The following PIGK variants were observed in gnomAD, a reference collection of about 807,000 sequenced individuals.
The protein encoded by PIGK is GPI-anchor transamidase.
PIGK carries 42 observed loss-of-function variants against 50.6 expected under a neutral mutation model. The observed-to-expected ratio is 0.83, with a 90% CI of 0.65 to 1.07. The LOEUF is 1.07. Among genes scored for constraint, PIGK ranks in the 50% least tolerant of loss-of-function variants. The probability of loss-of-function intolerance (pLI) is 0.00; values close to 1 mark genes in which losing one functional copy is unlikely to be tolerated. For missense variants in PIGK, 448 were observed against 488.7 expected (o/e 0.92, Z 0.78); for synonymous variants, 151 against 156.0 (o/e 0.97, Z 0.24).
chr1:77,156,912 C>T (rs1006247838), intron 8 of PIGK, among the ~76,000 whole-genome samples: 11 of 152,044 alleles, frequency 7.2e-5, no homozygotes, highest in Non-Finnish European at 1.5e-4. Context: ...AGCTCAAAGC[C>T]TTGAGGAAAC....
intron 1 of PIGK, among the ~76,000 whole-genome samples, chr1:77,212,976 G>A (rs967235146): frequency 6.6e-6 from 1 of 152,152 alleles, no homozygotes; most frequent in Non-Finnish European, 1.5e-5. Flanking sequence ...CCAGGCTGGA[G>A]TGCAGTAGCA....
rs1654057318 is a variant in PIGK at position 77,119,922 on chromosome 1, A to G, written c.1071+2353T>C. Among the ~76,000 whole-genome samples, 3 of 152,156 alleles carry G rather than the reference A, an allele frequency of 2.0e-5. No homozygotes were observed. The South Asian group carries it at 6.2e-4, about 32-fold the overall frequency. On this transcript the variant is annotated intron_variant, in intron 10 of 10. Transcript: ENST00000370812. Reference sequence around the variant, plus strand: ...TATCTATCCATTTAGAGATATGTATACATAGTACAAAGCAAGATGCTAAAA... The same window carrying G: ...TATCTATCCATTTAGAGATATGTATGCATAGTACAAAGCAAGATGCTAAAA...
At chr1:77,094,008 T>G (rs1358442623) in intron 10 of PIGK, among the ~76,000 whole-genome samples, 2 of 152,108 alleles carry the variant, frequency 1.3e-5, no homozygotes, top group Non-Finnish European at 2.9e-5. Context: ...AATATAAATA[T>G]CACAAGCACG....
chr1:77,108,532 T>G (rs1326162764), intron 10 of PIGK, among the ~76,000 whole-genome samples: 1 of 142,340 alleles, frequency 7.0e-6, no homozygotes, highest in Non-Finnish European at 1.5e-5. Context: ...ATTTTTTCCT[T>G]CATTTCAACT....
At chr1:77,159,052 G>C (rs1046963510) in intron 8 of PIGK, among the ~76,000 whole-genome samples, 1 of 152,130 alleles carries the variant, frequency 6.6e-6, no homozygotes, top group African/African-American at 2.4e-5. Context: ...AGGCCCTGAG[G>C]CCTGTGGATA....
intron 3 of PIGK, among the ~76,000 whole-genome samples, chr1:77,174,326 C>G (rs577585490): frequency 5.5e-4 from 84 of 152,246 alleles, no homozygotes; most frequent in African/African-American, 1.8e-3. Flanking sequence ...GCTCTAACAG[C>G]CTGGGACTCC....
At chr1:77,186,371 G>A (rs1655742145) in intron 3 of PIGK, among the ~76,000 whole-genome samples, 1 of 152,250 alleles carries the variant, frequency 6.6e-6, no homozygotes, top group Admixed American at 6.5e-5. Context: ...ACTTCGAGCA[G>A]TGCACCTGGT....
In PIGK at chr1:77,219,294, T is replaced by A. The variant is rs759811975; in HGVS notation, c.93+16A>T. On this transcript the variant is annotated intron_variant, in intron 1 of 10. Transcript: ENST00000370812. ...AGCCGGCCTCCCGGCTGTGGTCAAA[T>A]GAGCCTGACTCCTACCTCGATATGA... The A allele has an allele frequency of 6.2e-7, 1 of 1,609,528 alleles. No individual in the cohort carries two copies. Among genetic ancestry groups the A allele is most frequent in the South Asian group, 1.1e-5 (1 of 90,902 alleles).
intron 1 of PIGK, among the ~76,000 whole-genome samples, chr1:77,213,671 A>G (rs891162437): frequency 6.6e-6 from 1 of 152,090 alleles, no homozygotes; most frequent in Admixed American, 6.5e-5. Context: ...CCAAACACAA[A>G]ATAAGAAAAG....
chr1:77,189,727 A>G (rs1294771458), intron 3 of PIGK, among the ~76,000 whole-genome samples: 1 of 75,052 alleles, frequency 1.3e-5, no homozygotes, highest in East Asian at 7.4e-4. Context: ...ATATATATAT[A>G]TATATATATA....
At chr1:77,109,739 T>C (rs1431881515) in intron 10 of PIGK, among the ~76,000 whole-genome samples, 2 of 152,062 alleles carry the variant, frequency 1.3e-5, no homozygotes, top group Non-Finnish European at 2.9e-5. Flanking sequence ...CTATTCAACA[T>C]AGTGTTGGAA....
At chr1:77,217,907 A>C (rs1310174876) in intron 1 of PIGK, among the ~76,000 whole-genome samples, 1 of 152,246 alleles carries the variant, frequency 6.6e-6, no homozygotes, top group Non-Finnish European at 1.5e-5. Flanking sequence ...TAACTACAAA[A>C]AACAGTAATA....
intron 2 of PIGK, among the ~76,000 whole-genome samples, chr1:77,207,841 T>TA (rs940701414): frequency 2.0e-5 from 3 of 151,960 alleles, no homozygotes; most frequent in African/African-American, 7.3e-5. Context: ...GGTTTTTTTT[T>TA]AAATTAAGTT....
intron 9 of PIGK, among the ~76,000 whole-genome samples, chr1:77,137,139 C>T (rs768646029): frequency 1.3e-5 from 2 of 152,174 alleles, no homozygotes; most frequent in Admixed American, 6.5e-5. Context: ...AAACGTCTTG[C>T]ATGCTTTTGG....
intron 7 of PIGK, 41 bp from the exon 8 acceptor site, chr1:77,161,446 T>C (rs1176014787): frequency 8.3e-7 from 1 of 1,201,666 alleles, no homozygotes; most frequent in Non-Finnish European, 1.2e-6. Flanking sequence ...ACAGTATCAT[T>C]ATAACAAAAT....
At chr1:77,109,706 A>T (rs866702442) in intron 10 of PIGK, among the ~76,000 whole-genome samples, 83 of 152,312 alleles carry the variant, frequency 5.4e-4, no homozygotes, top group African/African-American at 1.8e-3. Flanking sequence ...GGCACAAGAC[A>T]GGGATGCCCT....
At chr1:77,198,596 C>T (rs1393484221) in intron 3 of PIGK, among the ~76,000 whole-genome samples, 1 of 151,746 alleles carries the variant, frequency 6.6e-6, no homozygotes, top group Non-Finnish European at 1.5e-5. Context: ...CAACTGCATA[C>T]ACAGCAACAG....
chr1:77,096,890 T>TTG (rs55998222), intron 10 of PIGK, among the ~76,000 whole-genome samples: 4,739 of 148,164 alleles, frequency 0.032, 137 homozygotes, highest in Non-Finnish European at 0.049. Context: ...TCTTTTTTTT[T>TTG]TTTTTTTGTT....
At chr1:77,185,183 G>A (rs2100571772) in intron 3 of PIGK, among the ~76,000 whole-genome samples, 1 of 152,320 alleles carries the variant, frequency 6.6e-6, no homozygotes, top group African/African-American at 2.4e-5. Context: ...GAAGCAACTT[G>A]CCTTCAGCTG....
Sources: allele counts gnomAD v4.1 joint callset (sites outside exome capture counted in the v4.1 genomes callset), GRCh38; gene constraint gnomAD v4.1.1; transcripts MANE v1.5; gene names NCBI Gene and HGNC (gene_info 2026-07-23, HGNC 2026-07-21).